The following TENM3 variants were observed in gnomAD, a reference collection of about 807,000 sequenced individuals.
The protein encoded by TENM3 is teneurin transmembrane protein 3, also known as teneurin-3.
A neutral mutation model predicts 255.1 loss-of-function variants in TENM3; 63 were observed. The ratio of observed to expected loss-of-function variants is 0.25; its 90% CI spans 0.20 to 0.30. The LOEUF is 0.30. Among genes scored for constraint, TENM3 ranks in the 10% least tolerant of loss-of-function variants. The pLI is 1.00. For synonymous variants in TENM3, 1,306 were observed against 1,322.3 expected (o/e 0.99, Z 0.27); for missense variants, 2,929 against 3,461.1 (o/e 0.85, Z 3.86).
intron 1 of TENM3, among the ~76,000 whole-genome samples, chr4:182,155,008 T>C (rs1166299940): frequency 2.0e-5 from 3 of 152,180 alleles, no homozygotes; most frequent in Non-Finnish European, 4.4e-5. Flanking sequence ...AATAAATACA[T>C]TGAAAATTGA....
At chr4:182,446,475 G>C (rs1391538268) in intron 3 of TENM3, among the ~76,000 whole-genome samples, 1 of 152,142 alleles carries the variant, frequency 6.6e-6, no homozygotes, top group African/African-American at 2.4e-5. Flanking sequence ...CCAAACAATG[G>C]TTTAAGATCT....
intron 3 of TENM3, among the ~76,000 whole-genome samples, chr4:182,559,946 T>C (rs1742976998): frequency 6.6e-6 from 1 of 152,106 alleles, no homozygotes; most frequent in South Asian, 2.1e-4. Context: ...GAATAAATGC[T>C]TCAGATGATG....
the TENM3 span, among the ~76,000 whole-genome samples, chr4:181,916,868 G>T: frequency 1.3e-5 from 2 of 151,930 alleles, no homozygotes; most frequent in Non-Finnish European, 2.9e-5. Context: ...GCAAGACTCC[G>T]TCTAAAAACA....
intron 27 of TENM3, among the ~76,000 whole-genome samples, chr4:182,797,224 G>T (rs1310600906): frequency 6.6e-6 from 1 of 152,172 alleles, no homozygotes; most frequent in Non-Finnish European, 1.5e-5. Context: ...CGGATCACCT[G>T]AGGTCGGGAG....
chr4:182,303,798 CT>C (rs1373663526), intron 1 of TENM3, among the ~76,000 whole-genome samples: 2 of 152,162 alleles, frequency 1.3e-5, no homozygotes, highest in Non-Finnish European at 1.5e-5. Flanking sequence ...GGACATTAAA[CT>C]TTTTAAACTC....
At chr4:181,484,079 C>T in the TENM3 span, among the ~76,000 whole-genome samples, 1 of 151,924 alleles carries the variant, frequency 6.6e-6, no homozygotes, top group Non-Finnish European at 1.5e-5. Context: ...GTGCTAAGAA[C>T]GCGGTTTGGT....
intron 22 of TENM3, chr4:182,772,450 G>A (rs1055104910): frequency 4.6e-5 from 7 of 152,078 alleles, no homozygotes; most frequent in East Asian, 1.9e-4. Context: ...CATCTCACTG[G>A]GAACCTTCGA....
the TENM3 span, among the ~76,000 whole-genome samples, chr4:181,603,395 TGTCATTATTAGCACTTCAGTTAGGACTG>T: frequency 6.6e-6 from 1 of 152,156 alleles, no homozygotes; most frequent in Admixed American, 6.5e-5. Flanking sequence ...TATTTGATAT[TGTCATTATTAGCACTTCAGTTAGGACTG>T]GTTTGCTTGC....
intron 5 of TENM3, among the ~76,000 whole-genome samples, chr4:182,650,693 A>G (rs925920531): frequency 1.3e-5 from 2 of 148,880 alleles, no homozygotes; most frequent in Admixed American, 1.4e-4. Context: ...ATTATGCATA[A>G]TGAGAGTCAA....
chr4:181,924,467 G>T, the TENM3 span, among the ~76,000 whole-genome samples: 1 of 152,120 alleles, frequency 6.6e-6, no homozygotes, highest in Admixed American at 6.5e-5. Flanking sequence ...TCTTTACCAT[G>T]CACATGACTT....
chr4:182,128,412 A>C, the TENM3 span, among the ~76,000 whole-genome samples: 1 of 152,204 alleles, frequency 6.6e-6, no homozygotes, highest in East Asian at 1.9e-4. Flanking sequence ...TCCTGCACTC[A>C]AGTGATCCTC....
intron 5 of TENM3, among the ~76,000 whole-genome samples, chr4:182,648,592 T>C (rs190894174): frequency 6.6e-6 from 1 of 152,220 alleles, no homozygotes; most frequent in Admixed American, 6.5e-5. Context: ...GCCTAAGTAA[T>C]TTTTATTTAA....
At chr4:182,547,107 A>G (rs1275272064) in intron 3 of TENM3, among the ~76,000 whole-genome samples, 3 of 152,182 alleles carry the variant, frequency 2.0e-5, no homozygotes, top group Non-Finnish European at 2.9e-5. Flanking sequence ...GTAGCTTCTT[A>G]CATCTGCCTA....
the TENM3 span, among the ~76,000 whole-genome samples, chr4:182,061,219 A>G: frequency 6.6e-6 from 1 of 152,274 alleles, no homozygotes; most frequent in South Asian, 2.1e-4. Context: ...CAGATTTCAA[A>G]TTGCAACTGG....
chr4:182,694,415 A>G (rs944390558), intron 12 of TENM3, among the ~76,000 whole-genome samples: 1 of 152,102 alleles, frequency 6.6e-6, no homozygotes, highest in Non-Finnish European at 1.5e-5. Flanking sequence ...CACCCAGCCG[A>G]GAGTTGTTTT....
chr4:181,528,580 G>A, the TENM3 span, among the ~76,000 whole-genome samples: 19,818 of 152,138 alleles, frequency 0.13, 1,392 homozygotes, highest in East Asian at 0.2. Flanking sequence ...GTGCTTTATG[G>A]GCATTAAATC....
chr4:181,934,802 G>C, the TENM3 span, among the ~76,000 whole-genome samples: 7 of 152,086 alleles, frequency 4.6e-5, no homozygotes, highest in Non-Finnish European at 8.8e-5. Context: ...TCGAGTACTA[G>C]AAAAGAAGGG....
the TENM3 span, among the ~76,000 whole-genome samples, chr4:181,893,958 C>T: frequency 6.6e-6 from 1 of 151,290 alleles, no homozygotes; most frequent in Non-Finnish European, 1.5e-5. Flanking sequence ...AAACATCAAA[C>T]ATAAGATGTT....
At chr4:181,864,778 T>G in the TENM3 span, among the ~76,000 whole-genome samples, 4 of 152,186 alleles carry the variant, frequency 2.6e-5, no homozygotes, top group African/African-American at 9.7e-5. Flanking sequence ...AGCAATTCCT[T>G]AACTAGAGCT....
Sources: gnomAD v4.1 joint callset for allele counts (sites outside exome capture counted in the v4.1 genomes callset) on GRCh38, gnomAD v4.1.1 for gene constraint, MANE v1.5 for transcripts, NCBI Gene and HGNC (gene_info 2026-07-23, HGNC 2026-07-21) for gene names.